The following ZRANB3 variants were observed in gnomAD, a reference collection of about 807,000 sequenced individuals.
ZRANB3 encodes DNA annealing helicase and endonuclease ZRANB3.
In ZRANB3, 125 loss-of-function variants were observed where a neutral mutation model predicts 133.8. The observed-to-expected ratio is 0.93, with a 90% CI of 0.81 to 1.08. The LOEUF is 1.08. Ranked by LOEUF, ZRANB3 falls within the 50% of genes least tolerant of loss-of-function variation. The pLI is 0.00. For synonymous variants in ZRANB3, 387 were observed against 432.7 expected (o/e 0.89, Z 1.31); for missense variants, 1,229 against 1,275.5 (o/e 0.96, Z 0.56).
intron 2 of ZRANB3, among the ~76,000 whole-genome samples, chr2:135,411,041 C>A (rs1229234766): frequency 2.0e-5 from 3 of 152,062 alleles, no homozygotes; most frequent in Non-Finnish European, 4.4e-5. Flanking sequence ...GAGTTCAAGA[C>A]CAGCCTAGGT....
chr2:135,397,457 A>G (rs903854843), intron 2 of ZRANB3, among the ~76,000 whole-genome samples: 5 of 151,682 alleles, frequency 3.3e-5, no homozygotes, highest in African/African-American at 4.8e-5. Flanking sequence ...CAAAAAAAAA[A>G]AAAAGAAAAG....
At chr2:135,393,425 G>A (rs746988300) in intron 2 of ZRANB3, among the ~76,000 whole-genome samples, 19 of 151,780 alleles carry the variant, frequency 1.3e-4, no homozygotes, top group Admixed American at 6.6e-4. Context: ...GATGCAGTAC[G>A]TGGATTATCT....
intron 1 of ZRANB3, among the ~76,000 whole-genome samples, chr2:135,522,827 C>T (rs1694004988): frequency 6.6e-6 from 1 of 152,106 alleles, no homozygotes; most frequent in Non-Finnish European, 1.5e-5. Flanking sequence ...CAAAGAGGTG[C>T]CATGCTAAGA....
intron 12 of ZRANB3, among the ~76,000 whole-genome samples, chr2:135,245,538 G>A (rs1053892818): frequency 2.0e-5 from 3 of 151,818 alleles, no homozygotes; most frequent in Non-Finnish European, 2.9e-5. Context: ...TGCAACCTCC[G>A]CCTCCCTGGT....
chr2:135,332,876 A>G (rs1398755790), intron 6 of ZRANB3, among the ~76,000 whole-genome samples: 2 of 152,042 alleles, frequency 1.3e-5, no homozygotes, highest in African/African-American at 4.8e-5. Context: ...GAGTTCATAC[A>G]TTACCTTTGT....
At chr2:135,446,481 A>C (rs537305008) in intron 2 of ZRANB3, among the ~76,000 whole-genome samples, 2 of 152,296 alleles carry the variant, frequency 1.3e-5, no homozygotes, top group African/African-American at 4.8e-5. Context: ...ATAGAGAATG[A>C]ATAGTGCAGT....
intron 2 of ZRANB3, among the ~76,000 whole-genome samples, chr2:135,460,905 A>T (rs1690737752): frequency 2.6e-5 from 4 of 152,180 alleles, no homozygotes; most frequent in Admixed American, 2.6e-4. Context: ...GGTAGCCACT[A>T]ATGACCAATT....
chr2:135,347,801 C>T (rs1685010448), intron 5 of ZRANB3, among the ~76,000 whole-genome samples: 1 of 152,130 alleles, frequency 6.6e-6, no homozygotes, highest in African/African-American at 2.4e-5. Flanking sequence ...CATACCAAAA[C>T]ATGAGTTGCA....
chr2:135,525,561 G>A (rs528602035), intron 1 of ZRANB3, among the ~76,000 whole-genome samples: 12 of 152,258 alleles, frequency 7.9e-5, no homozygotes, highest in Admixed American at 7.8e-4. Flanking sequence ...CTGAAAACAG[G>A]ATTGGGCCGG....
intron 12 of ZRANB3, among the ~76,000 whole-genome samples, chr2:135,234,908 AGCC>A (rs1250920486): frequency 6.6e-6 from 1 of 152,214 alleles, no homozygotes; most frequent in African/African-American, 2.4e-5. Context: ...CACATTCAAA[AGCC>A]AGCAGAAGGC....
At chr2:135,418,476 A>G (rs1217182020) in intron 2 of ZRANB3, among the ~76,000 whole-genome samples, 1 of 152,214 alleles carries the variant, frequency 6.6e-6, no homozygotes, top group African/African-American at 2.4e-5. Context: ...CTAGGGCTTA[A>G]TTAGCTTTAG....
chr2:135,283,142 G>A (rs558255148), intron 8 of ZRANB3, among the ~76,000 whole-genome samples: 5 of 151,926 alleles, frequency 3.3e-5, no homozygotes, highest in South Asian at 2.1e-4. Flanking sequence ...AAAATTAGCC[G>A]GGTGTGGTGG....
At position 135,230,819 on chromosome 2, in the gene ZRANB3, T is replaced by C. The variant is rs1694979050; in HGVS notation, c.1648A>G (p.Thr550Ala). The C allele has an allele frequency of 6.2e-7, 1 of 1,613,468 alleles. No individual in the cohort carries two copies. The highest frequency in any genetic ancestry group is 1.3e-5 in the African/African-American group (1 of 74,924). The change falls in exon 13 of 21, where the codon ACT becomes GCT. Residue 550 changes from threonine (T) to alanine (A), a missense_variant. Coordinates refer to ENST00000264159, the MANE Select transcript of ZRANB3 (RefSeq NM_032143.4). ...DESKRFREEN[T>A]VVSSDPTKTA... ...TTTGTAGGGTCTGATGACACTACAG[T>C]ATTTTCCTCCCGGAATCTCTTTGAT...
At chr2:135,367,800 T>C (rs1349628932) in intron 3 of ZRANB3, among the ~76,000 whole-genome samples, 1 of 152,182 alleles carries the variant, frequency 6.6e-6, no homozygotes, top group Non-Finnish European at 1.5e-5. Context: ...GACATTTTTA[T>C]TGGATAGAGA....
At chr2:135,416,787 C>T (rs1160464725) in intron 2 of ZRANB3, among the ~76,000 whole-genome samples, 1 of 152,098 alleles carries the variant, frequency 6.6e-6, no homozygotes, top group African/African-American at 2.4e-5. Context: ...GAGAACAGAG[C>T]CCTCAGAAAT....
At chr2:135,326,464 T>C (rs1683829384) in intron 6 of ZRANB3, among the ~76,000 whole-genome samples, 1 of 152,192 alleles carries the variant, frequency 6.6e-6, no homozygotes. Context: ...GATTAAAATT[T>C]ATAGTTTTTT....
intron 8 of ZRANB3, among the ~76,000 whole-genome samples, chr2:135,308,569 T>A (rs1271723987): frequency 6.6e-6 from 1 of 152,222 alleles, no homozygotes; most frequent in Non-Finnish European, 1.5e-5. Flanking sequence ...TTCTTTCTTT[T>A]TTATTTAAAT....
At chr2:135,507,608 T>TA (rs1693246340) in intron 1 of ZRANB3, among the ~76,000 whole-genome samples, 1 of 150,776 alleles carries the variant, frequency 6.6e-6, no homozygotes. Flanking sequence ...AGAAGTTAAG[T>TA]AAAAAATTTT....
At chr2:135,398,604 C>T (rs999907400) in intron 2 of ZRANB3, among the ~76,000 whole-genome samples, 48 of 147,072 alleles carry the variant, frequency 3.3e-4, no homozygotes, top group Admixed American at 2.1e-4. Flanking sequence ...CTGCAAGCTC[C>T]GCCTCCTGGG....
Sources: allele counts gnomAD v4.1 joint callset (sites outside exome capture counted in the v4.1 genomes callset), GRCh38; gene constraint gnomAD v4.1.1; transcripts MANE v1.5; gene names NCBI Gene and HGNC (gene_info 2026-07-23, HGNC 2026-07-21).